Variants in NUP210L observed in about 807,000 individuals in gnomAD.
The protein encoded by NUP210L is nucleoporin 210 like.
A neutral mutation model predicts 208.5 loss-of-function variants in NUP210L; 74 were observed. That is an observed-to-expected ratio of 0.35 (90% CI 0.29 to 0.43). The LOEUF (loss-of-function observed/expected upper bound fraction) is 0.43, where lower values mean the gene tolerates loss of function less well. Among genes scored for constraint, NUP210L ranks in the 20% least tolerant of loss-of-function variants. The pLI is 1.00. For synonymous variants in NUP210L, 780 were observed against 816.9 expected (o/e 0.95, Z 0.77); for missense variants, 1,843 against 2,289.4 (o/e 0.81, Z 3.98).
In NUP210L at chr1:154,140,491, A is replaced by G. The variant is rs184041639; in HGVS notation, c.567-539T>C. Among the ~76,000 whole-genome samples the G allele has an allele frequency of 7.3e-5, 11 of 151,358 alleles. No individual in the cohort carries two copies. The East Asian group carries it at 2.1e-3, about 29-fold the overall frequency. Reference sequence around the variant, plus strand: ...AGACCACCCTGGCCAATATGGCGAAACCCCATCTCCACTAAAAATACAAAA... The same window carrying G: ...AGACCACCCTGGCCAATATGGCGAAGCCCCATCTCCACTAAAAATACAAAA... On this transcript the variant is annotated intron_variant, in intron 4 of 39. Coordinates refer to ENST00000368559, the Ensembl canonical transcript of NUP210L.
At chr1:154,066,732 A>T (rs988662068) in intron 17 of NUP210L, among the ~76,000 whole-genome samples, 5 of 152,256 alleles carry the variant, frequency 3.3e-5, no homozygotes, top group African/African-American at 1.2e-4. Flanking sequence ...GGAATCAAAT[A>T]GACGCAATAA....
chr1:154,083,791 T>C (rs2148035126), intron 16 of NUP210L, among the ~76,000 whole-genome samples: 1 of 151,846 alleles, frequency 6.6e-6, no homozygotes, highest in African/African-American at 2.4e-5. Flanking sequence ...GAACAATTGG[T>C]GTGATTGAGG....
At chr1:154,015,177 C>G (rs1194703933) in intron 33 of NUP210L, among the ~76,000 whole-genome samples, 2 of 151,742 alleles carry the variant, frequency 1.3e-5, no homozygotes, top group African/African-American at 4.8e-5. Flanking sequence ...AGCCCAGCAT[C>G]CATTAGTTAT....
At chr1:154,027,203 T>G (rs1371103096) in intron 29 of NUP210L, among the ~76,000 whole-genome samples, 1 of 151,846 alleles carries the variant, frequency 6.6e-6, no homozygotes, top group African/African-American at 2.4e-5. Flanking sequence ...AGATTAGTGA[T>G]TGCCAGGGGC....
At chr1:153,994,083 T>C in intron 38 of NUP210L, among the ~76,000 whole-genome samples, 1 of 152,096 alleles carries the variant, frequency 6.6e-6, no homozygotes, top group South Asian at 2.1e-4. Flanking sequence ...TCTCTCTGTG[T>C]TGCCCAGGCT....
chr1:154,032,603 C>T (rs1557928449), intron 27 of NUP210L, among the ~76,000 whole-genome samples: 2 of 149,598 alleles, frequency 1.3e-5, no homozygotes, highest in Admixed American at 6.7e-5. Context: ...CAGGTTCAAA[C>T]GACTCTCCTG....
intron 33 of NUP210L, among the ~76,000 whole-genome samples, chr1:154,018,657 G>A (rs777298481): frequency 2.0e-5 from 3 of 152,068 alleles, no homozygotes; most frequent in East Asian, 1.9e-4. Flanking sequence ...CTGGATTACC[G>A]CAGTAGACTC....
intron 4 of NUP210L, among the ~76,000 whole-genome samples, chr1:154,140,666 C>CAAAAAAAAAAAAAAAAAAA (rs1434093544): frequency 2.3e-4 from 24 of 102,460 alleles, no homozygotes; most frequent in Non-Finnish European, 4.4e-4. Context: ...GACTCCATCT[C>CAAAAAAAAAAAAAAAAAAA]AAAAAAAAAA....
intron 27 of NUP210L, among the ~76,000 whole-genome samples, chr1:154,045,228 A>C (rs1298798655): frequency 6.6e-6 from 1 of 152,100 alleles, no homozygotes; most frequent in African/African-American, 2.4e-5. Context: ...CCCAATTCCA[A>C]GTAGGGTGGG....
intron 12 of NUP210L, among the ~76,000 whole-genome samples, chr1:154,111,048 G>A (rs574822620): frequency 2.3e-4 from 34 of 146,388 alleles, no homozygotes; most frequent in African/African-American, 8.2e-4. Flanking sequence ...CCTTTAGCCA[G>A]ACTAAAAAAA....
chr1:154,075,101 T>C (rs1220322544), intron 16 of NUP210L, among the ~76,000 whole-genome samples: 1 of 152,220 alleles, frequency 6.6e-6, no homozygotes, highest in Non-Finnish European at 1.5e-5. Flanking sequence ...CTTTCCCTAC[T>C]GAGCTGGAAT....
In NUP210L at chr1:154,015,208, C is replaced by T. The variant is rs537640795; in HGVS notation, c.4654-2838G>A. Among the ~76,000 whole-genome samples the T allele has an allele frequency of 3.3e-5, 5 of 151,842 alleles. No homozygotes were observed. The South Asian group carries it at 1.0e-3, about 32-fold the overall frequency. On this transcript the variant is annotated intron_variant, in intron 33 of 39. Coordinates refer to ENST00000368559, the Ensembl canonical transcript of NUP210L. Reference sequence around the variant, plus strand: ...GTTATTCTTCCTGATGCTCTCCCTCCCTCCATGCCCCACATATTTATTTTG... The same window carrying T: ...GTTATTCTTCCTGATGCTCTCCCTCTCTCCATGCCCCACATATTTATTTTG...
chr1:154,088,066 G>A (rs545882264), intron 16 of NUP210L, among the ~76,000 whole-genome samples: 4 of 152,214 alleles, frequency 2.6e-5, no homozygotes, highest in East Asian at 1.9e-4. Flanking sequence ...TGCTGGACGC[G>A]GTAGCTCACG....
chr1:154,066,156 A>T (rs1036024095), intron 17 of NUP210L, among the ~76,000 whole-genome samples: 1 of 152,150 alleles, frequency 6.6e-6, no homozygotes, highest in Non-Finnish European at 1.5e-5. Context: ...AGCACTAAAT[A>T]CCCACAAGAG....
At chr1:154,047,858 T>C (rs1172892131) in intron 25 of NUP210L, among the ~76,000 whole-genome samples, 1 of 152,108 alleles carries the variant, frequency 6.6e-6, no homozygotes, top group Admixed American at 6.5e-5. Context: ...CGGTAAGTGG[T>C]GCCCATACGT....
chr1:154,107,342 C>T (rs985657163), intron 12 of NUP210L, among the ~76,000 whole-genome samples: 7 of 151,644 alleles, frequency 4.6e-5, no homozygotes, highest in African/African-American at 1.7e-4. Context: ...GGCGTGTTGG[C>T]GGGCGCCTGT....
intron 35 of NUP210L, among the ~76,000 whole-genome samples, chr1:154,007,119 T>A (rs1269787675): frequency 1.3e-5 from 2 of 148,468 alleles, no homozygotes; most frequent in African/African-American, 2.5e-5. Flanking sequence ...CCCGCCACCA[T>A]GCCTGGCTAA....
chr1:154,052,102 A>G (rs1653536872), intron 25 of NUP210L, among the ~76,000 whole-genome samples: 1 of 152,266 alleles, frequency 6.6e-6, no homozygotes, highest in African/African-American at 2.4e-5. Context: ...CCTAAAGGCC[A>G]GATGCTATCA....
At chr1:154,055,180 T>TTTC (rs200081192) in intron 23 of NUP210L, among the ~76,000 whole-genome samples, 6 of 133,904 alleles carry the variant, frequency 4.5e-5, no homozygotes, top group African/African-American at 1.4e-4. Flanking sequence ...TCTTTCTTTC[T>TTTC]TTCTTTCTTT....
Sources: gnomAD v4.1 joint callset for allele counts (sites outside exome capture counted in the v4.1 genomes callset) on GRCh38, gnomAD v4.1.1 for gene constraint, MANE v1.5 for transcripts, NCBI Gene and HGNC (gene_info 2026-07-23, HGNC 2026-07-21) for gene names.